The following IDS variants were observed in gnomAD, a reference collection of about 807,000 sequenced individuals.
The protein encoded by IDS is iduronate 2-sulfatase, also known as alpha-L-iduronate sulfate sulfatase.
Under a neutral mutation model 33.5 loss-of-function variants are expected in IDS, and 1 was observed. That is an observed-to-expected ratio of 0.03 (90% CI 0.01 to 0.14). The LOEUF (loss-of-function observed/expected upper bound fraction) is 0.14. IDS is among the 10% of genes least tolerant of loss of function. The probability of loss-of-function intolerance (pLI) is 1.00; values close to 1 mark genes in which losing one functional copy is unlikely to be tolerated. For synonymous variants in IDS, 191 were observed against 184.4 expected (o/e 1.04, Z -0.29); for missense variants, 328 against 448.0 (o/e 0.73, Z 2.42).
rs1340985117 is a variant in IDS at position 149,505,277 on chromosome X, G to A, written c.-140C>T. The A allele has an allele frequency of 2.2e-5, 7 of 325,251 alleles. No homozygotes were observed. The highest frequency in any genetic ancestry group is 8.3e-4 in the Middle Eastern group (1 of 1,210). 26.8% of individuals were successfully genotyped at this position (325,251 alleles called of 1,213,427 possible). Reference sequence around the variant, plus strand: ...CGCAACACAGCCGCCGCCCGGGCCCGCAGGCCCGGGCGCTGGCCGCAGCGC... The same window carrying A: ...CGCAACACAGCCGCCGCCCGGGCCCACAGGCCCGGGCGCTGGCCGCAGCGC... On this transcript the variant is annotated 5_prime_UTR_variant, in exon 1 of 9. Coordinates refer to ENST00000340855, the MANE Select transcript of IDS (RefSeq NM_000202.8).
At chrX:149,490,568 C>T (rs2089382423) in intron 6 of IDS, 128 bp from the exon 7 acceptor site, 1 of 700,363 alleles carries the variant, frequency 1.4e-6, no homozygotes, top group East Asian at 3.5e-5. Context: ...ATGATTTTCT[C>T]AGCCAAAATG....
rs2124645629 is a variant in IDS at position 149,479,848 on chromosome X, A to G, written c.*2898T>C. 7.8e-6 allele frequency: 1 copy of G among 128,708 alleles called. No individual in the cohort carries two copies. The highest frequency in any genetic ancestry group is 9.0e-5 in the Admixed American group (1 of 11,140). The allele number at this position is 128,708 out of a possible 1,213,427, so 10.6% of individuals were successfully genotyped here. A position where few individuals can be genotyped will look rare whatever the true frequency, so the allele number is the denominator to read the frequency against. On this transcript the variant is annotated 3_prime_UTR_variant, in exon 9 of 9. Transcript: ENST00000340855. ...TGTGCTGCATTTCTAATTTTTCCGT[A>G]ACTGACACATCAGTTTTATAATTAG...
chrX:149,491,516 T>G, intron 6 of IDS: 1 of 950,950 alleles, frequency 1.1e-6, no homozygotes. Context: ...ACTGCCAGGG[T>G]GAGGACAATC....
rs782363819 is a variant in IDS, at chrX:149,481,993, T to A, written c.*753A>T. Reference sequence around the variant, plus strand: ...TGGCCATTGAGTTCAAGGGTCATATTATTTGCTAACAAATTATTATTTGGG... The same window carrying A: ...TGGCCATTGAGTTCAAGGGTCATATAATTTGCTAACAAATTATTATTTGGG... On this transcript the variant is annotated 3_prime_UTR_variant, in exon 9 of 9. Coordinates refer to ENST00000340855, the MANE Select transcript of IDS (RefSeq NM_000202.8). The A allele has an allele frequency of 8.9e-6, 1 of 112,609 alleles. No homozygotes were observed. The highest frequency in any genetic ancestry group is 3.2e-5 in the African/African-American group (1 of 31,060). The allele number at this position is 112,609 out of a possible 1,213,427, so 9.3% of individuals were successfully genotyped here.
In IDS at chrX:149,490,325, G is replaced by A. The variant is rs782704207; in HGVS notation, c.995C>T (p.Thr332Ile). The change falls in exon 7 of 9, where the codon ACC (threonine) becomes ATC (isoleucine). Residue 332 changes from threonine to isoleucine, a missense_variant. This residue lies in a region of IDS where 265 missense variants were observed against 339.2 expected (regional missense o/e 0.78). Coordinates refer to ENST00000340855, the MANE Select transcript of IDS (RefSeq NM_000202.8). ...TTCAAAATGCTTACCATGATCCGAGGTAAATGCAATGATGGTGCTGTTGGC... is the reference window on the plus strand; with the variant it reads ...TTCAAAATGCTTACCATGATCCGAGATAAATGCAATGATGGTGCTGTTGGC... ...QLANSTIIAF[T>I]SDHGWALGEH... 2.1e-5 allele frequency: 25 copies of A among 1,209,103 alleles called. No individual in the cohort carries two copies. In the Middle Eastern group the frequency reaches 9.2e-4, roughly 45 times the overall value.
chrX:149,500,646 C>T (rs1292409242), intron 4 of IDS, among the ~76,000 whole-genome samples: 2 of 111,948 alleles, frequency 1.8e-5, no homozygotes, highest in Non-Finnish European at 3.8e-5. Context: ...CATGTCTCAG[C>T]ATCTCCTACA....
Position 149,479,690 on chromosome X carries a change from C to A in IDS, c.*3056G>T, listed in dbSNP as rs922448357. On this transcript the variant is annotated 3_prime_UTR_variant, in exon 9 of 9. Transcript: ENST00000340855. ...ATATCTTTGTGAAAATCTATAATAA[C>A]CACACATAATACTTAGTAAAAAAGA... The A allele has an allele frequency of 9.0e-6, 1 of 110,933 alleles. No homozygotes were observed. Among genetic ancestry groups the A allele is most frequent in the Non-Finnish European group, 1.9e-5 (1 of 52,994 alleles). The allele number at this position is 110,933 out of a possible 1,213,427, so 9.1% of individuals were successfully genotyped here. A position where few individuals can be genotyped will look rare whatever the true frequency, so the allele number is the denominator to read the frequency against.
Position 149,505,231 on chromosome X carries a change from G to A in IDS, c.-94C>T, listed in dbSNP as rs1055552955. On this transcript the variant is annotated 5_prime_UTR_variant, in exon 1 of 9. The change creates a new upstream start codon in the 5' untranslated region. Transcript: ENST00000340855. ...CCGCCGCAGCCACAGAGACCTCCTC[G>A]TCGGGAACCCATGAAGACTGCGCAA... 33 of 607,633 alleles carry A rather than the reference G, an allele frequency of 5.4e-5. No homozygotes were observed. The South Asian group carries it at 7.4e-4, about 14-fold the overall frequency. 50.1% of individuals were successfully genotyped at this position (607,633 alleles called of 1,213,427 possible).
chrX:149,502,155 T>C (rs1557340070), intron 3 of IDS: 1 of 330,837 alleles, frequency 3.0e-6, no homozygotes, highest in Non-Finnish European at 5.9e-6. Context: ...AAGATTCAGC[T>C]GAAAAATGTG....
At chrX:149,504,980 G>T in intron 1 of IDS, 55 bp downstream of exon 1, 1 of 878,869 alleles carries the variant, frequency 1.1e-6, no homozygotes, top group East Asian at 3.2e-5. Context: ...GAAGGAAGGA[G>T]GAAGGAAGGG....
At chrX:149,491,420 C>A (rs1223518007) in intron 6 of IDS, 6 of 482,766 alleles carry the variant, frequency 1.2e-5, no homozygotes, top group Non-Finnish European at 1.7e-5. Context: ...AATTAATCTT[C>A]CACCCCAAAG....
At chrX:149,498,071 C>T (rs782295504) in intron 5 of IDS, 36 bp downstream of exon 5, 25 of 1,135,478 alleles carry the variant, frequency 2.2e-5, no homozygotes, top group Non-Finnish European at 3.0e-5. Context: ...ACAGCTGTCA[C>T]AGCTGTGCTG....
At chrX:149,493,033 C>T (rs1557338902) in intron 6 of IDS, among the ~76,000 whole-genome samples, 1 of 111,411 alleles carries the variant, frequency 9.0e-6, no homozygotes, top group Non-Finnish European at 1.9e-5. Flanking sequence ...GGCCTGACCA[C>T]GCGGAAGCCT....
chrX:149,505,125 G>T lies in IDS; in HGVS notation c.13C>A (p.Arg5=). ...AGCCAGAGAAGGCCTCGGCCGGTCC[G>T]GGGTGGCGGCATTTCGGCTTCGACG... MPPP[R]TGRGLLWLGL... is the part of the protein sequence containing the mutation. The change falls in exon 1 of 9, where the codon CGG becomes AGG. Residue 5 remains arginine, a synonymous_variant. Coordinates refer to ENST00000340855, the MANE Select transcript of IDS (RefSeq NM_000202.8). 1 of 1,193,926 alleles carries T rather than the reference G, an allele frequency of 8.4e-7. No individual in the cohort carries two copies. Among genetic ancestry groups the T allele is most frequent in the Non-Finnish European group, 1.1e-6 (1 of 881,722 alleles).
intron 5 of IDS, among the ~76,000 whole-genome samples, chrX:149,496,828 G>C (rs2089440452): frequency 8.9e-6 from 1 of 112,306 alleles, no homozygotes; most frequent in South Asian, 3.7e-4. Context: ...AAAGTGTGGT[G>C]AGGTGTTGGG....
chrX:149,498,297 C>T lies in IDS; in HGVS notation c.518G>A (p.Gly173Glu). 1.7e-6 allele frequency: 2 copies of T among 1,208,586 alleles called. No individual in the cohort carries two copies. Among genetic ancestry groups the T allele is most frequent in the Non-Finnish European group, 2.2e-6 (2 of 892,832 alleles). ...GTTGGCATGGAGTTCTCCATCTGGC[C>T]CTCGACATGTCTTTCAAAACAAAAT... ...EKYENTKTCR[G>E]PDGELHANLL... The change falls in exon 5 of 9, where the codon GGG (glycine) becomes GAG (glutamate). Residue 173 changes from glycine (G) to glutamate (E), a missense_variant. Gly to Glu is a moderately conservative substitution (Grantham distance 98, BLOSUM62 -2). Transcript: ENST00000340855.
At chrX:149,485,827 TG>T (rs782114209) in intron 8 of IDS, among the ~76,000 whole-genome samples, 46 of 111,726 alleles carry the variant, frequency 4.1e-4, no homozygotes, top group African/African-American at 1.3e-3. Context: ...ATCAATGACA[TG>T]AAAGAAGACA....
rs1487424120 is a variant in IDS, at chrX:149,502,215, G to A, written c.418+1097C>T. ...GTTTATTCTCTGAGAAGGACATGGT[G>A]CTTAGAGCCTGGTGCCAAAATCCAA... On this transcript the variant is annotated intron_variant, in intron 3 of 8. Transcript: ENST00000340855. 9.3e-6 allele frequency: 3 copies of A among 322,158 alleles called. No homozygotes were observed. The East Asian group carries it at 3.0e-4, about 32-fold the overall frequency. 26.5% of individuals were successfully genotyped at this position (322,158 alleles called of 1,213,427 possible).
rs1557340571 is a variant in IDS, at chrX:149,505,053, G to T, written c.85C>A (p.Gln29Lys). The change falls in exon 1 of 9, where the codon CAG becomes AAG. Residue 29 changes from glutamine to lysine, a missense_variant. Gln to Lys is a moderately conservative substitution (Grantham distance 53). Around this residue, in one of 4 missense-constraint regions of IDS, gnomAD observed 45 missense variants for 33.6 expected, o/e 1.34. Transcript: ENST00000340855. ...GCGGCACCTGTGGTCGAGTTGGCCT[G>T]CGTTTCGGATCCGAGGGCGACGCAG... is the stretch of plus-strand genomic sequence containing the variant. ...SVCVALGSET[Q>K]ANSTTDALNV... 8.3e-7 allele frequency: 1 copy of T among 1,208,714 alleles called. No individual in the cohort carries two copies. Among genetic ancestry groups the T allele is most frequent in the African/African-American group, 1.7e-5 (1 of 57,742 alleles).
Sources: allele counts gnomAD v4.1 joint callset (sites outside exome capture counted in the v4.1 genomes callset), GRCh38; gene constraint gnomAD v4.1.1; regional missense constraint gnomAD v4.1.1; transcripts MANE v1.5; gene names NCBI Gene and HGNC (gene_info 2026-07-23, HGNC 2026-07-21).